SDC2: variants seen among roughly 807,000 people sequenced by gnomAD.
SDC2 encodes the protein syndecan-2.
Under a neutral mutation model 22.2 loss-of-function variants are expected in SDC2, and 13 were observed. The ratio of observed to expected loss-of-function variants is 0.59; its 90% CI spans 0.38 to 0.93. SDC2 has a LOEUF of 0.93. Ranked by LOEUF, SDC2 falls within the 40% of genes least tolerant of loss-of-function variation. The pLI, the probability that SDC2 is intolerant of heterozygous loss-of-function variation, is 0.00. For missense variants in SDC2, 235 were observed against 246.8 expected (o/e 0.95, Z 0.32); for synonymous variants, 94 against 92.8 (o/e 1.01, Z -0.07).
intron 1 of SDC2, among the ~76,000 whole-genome samples, chr8:96,576,154 T>A (rs1814485985): frequency 6.6e-6 from 1 of 152,144 alleles, no homozygotes; most frequent in Non-Finnish European, 1.5e-5. Context: ...GCTAGTATAA[T>A]TTTTAGCAGA....
In SDC2 at chr8:96,494,023, C is replaced by T. The variant is rs1341481328; in HGVS notation, c.-249C>T. The T allele has an allele frequency of 9.3e-6, 5 of 534,852 alleles. No homozygotes were observed. Among genetic ancestry groups the T allele is most frequent in the African/African-American group, 4.1e-5 (2 of 49,250 alleles). 33.1% of individuals were successfully genotyped at this position (534,852 alleles called of 1,614,324 possible). A position where few individuals can be genotyped will look rare whatever the true frequency, so the allele number is the denominator to read the frequency against. On this transcript the variant is annotated 5_prime_UTR_variant, in exon 1 of 5. Transcript: ENST00000302190. ...CCTTCCCGGAGCACCAACTCCGTGT[C>T]GGGAGTGCAGAAACCAACAAGTGAG...
intron 1 of SDC2, among the ~76,000 whole-genome samples, chr8:96,591,447 GT>G (rs1204226566): frequency 5.3e-5 from 8 of 152,084 alleles, no homozygotes; most frequent in African/African-American, 1.7e-4. Context: ...GGCCAATTTG[GT>G]TTAAGTAATC....
intron 1 of SDC2, among the ~76,000 whole-genome samples, chr8:96,500,390 G>A (rs574215111): frequency 1.3e-5 from 2 of 151,946 alleles, no homozygotes; most frequent in Admixed American, 6.6e-5. Flanking sequence ...GGCCTGGCGC[G>A]ATATCTCATG....
intron 1 of SDC2, among the ~76,000 whole-genome samples, chr8:96,499,760 G>C (rs1338008971): frequency 1.4e-5 from 2 of 144,348 alleles, no homozygotes; most frequent in Non-Finnish European, 3.1e-5. Context: ...TCCTCTCTTG[G>C]CCTTTTTTTT....
chr8:96,523,822 G>T (rs994887492), intron 1 of SDC2, among the ~76,000 whole-genome samples: 2 of 152,190 alleles, frequency 1.3e-5, no homozygotes, highest in African/African-American at 4.8e-5. Flanking sequence ...TTCTGCTAAT[G>T]ATTTCTTTTC....
At chr8:96,576,095 A>G (rs537071101) in intron 1 of SDC2, among the ~76,000 whole-genome samples, 1 of 152,230 alleles carries the variant, frequency 6.6e-6, no homozygotes, top group South Asian at 2.1e-4. Flanking sequence ...ACACAAATAC[A>G]TCATGCAGTC....
Position 96,600,907 on chromosome 8 carries a change from T to A in SDC2, c.173-1488T>A, listed in dbSNP as rs573792225. Among the ~76,000 whole-genome samples the A allele has an allele frequency of 3.9e-5, 6 of 152,238 alleles. No individual in the cohort carries two copies. The South Asian group carries it at 1.2e-3, about 32-fold the overall frequency. ...GCCGATGATGTAAATTTAGGTATCA[T>A]CTGTGCTTAACTCATCATTTATTGA... is the stretch of plus-strand genomic sequence containing the variant. On this transcript the variant is annotated intron_variant, in intron 2 of 4. Coordinates refer to ENST00000302190, the MANE Select transcript of SDC2 (RefSeq NM_002998.4).
intron 1 of SDC2, among the ~76,000 whole-genome samples, chr8:96,585,853 G>GTTTTTTT (rs199970598): frequency 2.1e-5 from 3 of 145,484 alleles, no homozygotes; most frequent in Admixed American, 7.1e-5. Context: ...CTGGCAAGAG[G>GTTTTTTT]TTTTTTTTTT....
In SDC2 at chr8:96,609,769, ATAT is replaced by A. The variant is rs1273901226; in HGVS notation, c.*225_*227del. On this transcript the variant is annotated 3_prime_UTR_variant, in exon 5 of 5. Coordinates refer to ENST00000302190, the MANE Select transcript of SDC2 (RefSeq NM_002998.4). Reference sequence around the variant, plus strand: ...GTGTTCTGTGAATAGCAGTGGCAAAATATTATGTTATGAAAACCCTCGATGTTC... The same window carrying A: ...GTGTTCTGTGAATAGCAGTGGCAAAATATGTTATGAAAACCCTCGATGTTC... 4 of 364,020 alleles carry A rather than the reference ATAT, an allele frequency of 1.1e-5. No homozygotes were observed. The highest frequency in any genetic ancestry group is 1.5e-5 in the Non-Finnish European group (3 of 205,220). The allele number at this position is 364,020 out of a possible 1,614,324, so 22.5% of individuals were successfully genotyped here.
At chr8:96,603,435 C>T (rs1474600557) in intron 3 of SDC2, among the ~76,000 whole-genome samples, 1 of 152,176 alleles carries the variant, frequency 6.6e-6, no homozygotes, top group Admixed American at 6.5e-5. Flanking sequence ...GCAATCAGTG[C>T]AGGGGTAACA....
At chr8:96,574,790 T>TG (rs1814458595) in intron 1 of SDC2, among the ~76,000 whole-genome samples, 1 of 152,248 alleles carries the variant, frequency 6.6e-6, no homozygotes, top group Non-Finnish European at 1.5e-5. Context: ...GGAAGAACTA[T>TG]GGAAAATGTA....
At chr8:96,600,148 G>A (rs1814953954) in intron 2 of SDC2, among the ~76,000 whole-genome samples, 2 of 152,140 alleles carry the variant, frequency 1.3e-5, no homozygotes, top group Non-Finnish European at 2.9e-5. Flanking sequence ...GACAGAGCAA[G>A]AAAAGAAAAA....
At chr8:96,559,640 A>C (rs544071193) in intron 1 of SDC2, among the ~76,000 whole-genome samples, 1 of 152,156 alleles carries the variant, frequency 6.6e-6, no homozygotes, top group Non-Finnish European at 1.5e-5. Context: ...TAGTGATTCA[A>C]CCTTTGTAAA....
chr8:96,565,375 G>A (rs558149862), intron 1 of SDC2, among the ~76,000 whole-genome samples: 17 of 151,840 alleles, frequency 1.1e-4, no homozygotes, highest in Admixed American at 5.9e-4. Context: ...GTGAGCCACC[G>A]CACCCAACCC....
intron 1 of SDC2, among the ~76,000 whole-genome samples, chr8:96,553,796 G>A (rs538642749): frequency 2.0e-5 from 3 of 151,874 alleles, no homozygotes; most frequent in Non-Finnish European, 4.4e-5. Context: ...TTTGGAGACA[G>A]GATCTCACTC....
intron 1 of SDC2, among the ~76,000 whole-genome samples, chr8:96,519,389 A>G (rs1002186368): frequency 6.6e-6 from 1 of 152,236 alleles, no homozygotes; most frequent in African/African-American, 2.4e-5. Context: ...ACGTTACAGA[A>G]ATTTTTCAAA....
intron 2 of SDC2, among the ~76,000 whole-genome samples, chr8:96,598,571 T>C (rs1016597135): frequency 1.3e-5 from 2 of 152,094 alleles, no homozygotes; most frequent in African/African-American, 4.8e-5. Context: ...TGAGCTGTGA[T>C]TGCACTATTG....
At chr8:96,495,118 C>G (rs1480365039) in intron 1 of SDC2, among the ~76,000 whole-genome samples, 2 of 152,172 alleles carry the variant, frequency 1.3e-5, no homozygotes, top group Non-Finnish European at 2.9e-5. Flanking sequence ...GGGAGTGCCG[C>G]AAGCAGGGCG....
In SDC2 at chr8:96,611,334, A is replaced by G. The variant is rs1022441395; in HGVS notation, c.*1786A>G. On this transcript the variant is annotated 3_prime_UTR_variant, in exon 5 of 5. Transcript: ENST00000302190. ...CAAGTCAGAAGAAGACAGCAAAAAA[A>G]GCAACTTTTCCAACATACAATTTAC... 2 of 152,588 alleles carry G rather than the reference A, an allele frequency of 1.3e-5. No homozygotes were observed. Among genetic ancestry groups the G allele is most frequent in the African/African-American group, 4.8e-5 (2 of 41,470 alleles). The allele number at this position is 152,588 out of a possible 1,614,324, so 9.5% of individuals were successfully genotyped here.
Sources: allele counts gnomAD v4.1 joint callset (sites outside exome capture counted in the v4.1 genomes callset), GRCh38; gene constraint gnomAD v4.1.1; transcripts MANE v1.5; gene names NCBI Gene and HGNC (gene_info 2026-07-23, HGNC 2026-07-21).